Variants in TRIM37 observed in about 807,000 individuals in gnomAD.
TRIM37 encodes the protein tripartite motif containing 37, also known as E3 ubiquitin-protein ligase TRIM37.
A neutral mutation model predicts 129.8 loss-of-function variants in TRIM37; 80 were observed. The observed-to-expected ratio is 0.62, with a 90% CI of 0.51 to 0.74. The LOEUF (loss-of-function observed/expected upper bound fraction) is 0.74. TRIM37 is among the 30% of genes least tolerant of loss of function. The pLI is 0.00. For missense variants in TRIM37, 1,054 were observed against 1,176.5 expected (o/e 0.90, Z 1.52); for synonymous variants, 389 against 387.1 (o/e 1.00, Z -0.06).
At chr17:59,042,095 G>A (rs1011537395) in intron 16 of TRIM37, among the ~76,000 whole-genome samples, 197 bp from the exon 17 acceptor site, 10 of 151,850 alleles carry the variant, frequency 6.6e-5, no homozygotes, top group East Asian at 1.9e-4. Context: ...AAAAAATATC[G>A]GCCGGGCGCG....
Position 59,015,736 on chromosome 17 carries a change from C to T in TRIM37, c.2450G>A (p.Ser817Asn), listed in dbSNP as rs912284346. The change falls in exon 21 of 24, where the codon AGT becomes AAT. Residue 817 changes from serine (S) to asparagine (N), a missense_variant. By Grantham distance (46) the Ser-to-Asn change is conservative. Coordinates refer to ENST00000262294, the MANE Select transcript of TRIM37 (RefSeq NM_015294.6). ...HSSPRALIHG[S>N]IGDILPKTED... Reference sequence around the variant, plus strand: ...AGTTTTTGGCAGAATATCACCGATACTGCCATGTATCAAGGCTCGGGGAGA... The same window carrying T: ...AGTTTTTGGCAGAATATCACCGATATTGCCATGTATCAAGGCTCGGGGAGA... 6 of 1,614,006 alleles carry T rather than the reference C, an allele frequency of 3.7e-6. No homozygotes were observed. The highest frequency in any genetic ancestry group is 1.1e-5 in the South Asian group (1 of 91,078).
intron 24 of TRIM37, among the ~76,000 whole-genome samples, chr17:58,991,083 A>G (rs1364784923): frequency 8.8e-5 from 13 of 148,490 alleles, no homozygotes; most frequent in Admixed American, 6.7e-4. Context: ...GCTGAGGCAG[A>G]AGAATCATTT....
chr17:58,995,269 A>G (rs1237833799), downstream of TRIM37, among the ~76,000 whole-genome samples: 1 of 152,162 alleles, frequency 6.6e-6, no homozygotes, highest in African/African-American at 2.4e-5. Flanking sequence ...ACAGTCTAAT[A>G]ATAATAAATA....
intron 19 of TRIM37, among the ~76,000 whole-genome samples, chr17:59,020,437 C>G (rs1157624800): frequency 2.7e-5 from 4 of 150,942 alleles, no homozygotes; most frequent in Non-Finnish European, 5.9e-5. Flanking sequence ...AAGAAGTTAA[C>G]AACCCATATG....
At chr17:59,033,519 G>A (rs1264114965) in intron 17 of TRIM37, among the ~76,000 whole-genome samples, 2 of 151,998 alleles carry the variant, frequency 1.3e-5, no homozygotes, top group East Asian at 1.9e-4. Context: ...GGCAACCTCC[G>A]CCTCCTGGGT....
chr17:59,012,600 T>C (rs1324374219), intron 21 of TRIM37, among the ~76,000 whole-genome samples, 154 bp from the exon 22 acceptor site: 2 of 152,158 alleles, frequency 1.3e-5, no homozygotes, highest in African/African-American at 4.8e-5. Flanking sequence ...ACTAAGGTCC[T>C]GGCACAGTGG....
At chr17:59,003,566 A>G (rs2034061850) in intron 22 of TRIM37, among the ~76,000 whole-genome samples, 1 of 152,024 alleles carries the variant, frequency 6.6e-6, no homozygotes, top group African/African-American at 2.4e-5. Context: ...TGAAAAGTAA[A>G]TAGAAACAGG....
At position 59,082,141 on chromosome 17, in the gene TRIM37, T is replaced by C. The variant is rs903664344; in HGVS notation, c.370-922A>G. ...CAAAAATTAGCTGGGCGTGGTGGCATGCGCCTGTAATCCCAGCTACTCAGG... is the reference window on the plus strand; with the variant it reads ...CAAAAATTAGCTGGGCGTGGTGGCACGCGCCTGTAATCCCAGCTACTCAGG... On this transcript the variant is annotated intron_variant, in intron 5 of 23. Transcript: ENST00000262294. Among the ~76,000 whole-genome samples the C allele has an allele frequency of 3.3e-5, 5 of 149,798 alleles. No homozygotes were observed. In the East Asian group the frequency reaches 8.1e-4, roughly 24 times the overall value.
intron 16 of TRIM37, among the ~76,000 whole-genome samples, chr17:59,046,222 A>G (rs755028970): frequency 1.2e-4 from 19 of 152,172 alleles, no homozygotes; most frequent in Non-Finnish European, 2.6e-4. Context: ...TAGGATGAAA[A>G]ATAGGATATT....
rs777038156 is a variant in TRIM37 at position 59,061,048 on chromosome 17, A to G, written c.1003T>C (p.Leu335=). 7 of 1,613,600 alleles carry G rather than the reference A, an allele frequency of 4.3e-6. No individual in the cohort carries two copies. The highest frequency in any genetic ancestry group is 5.1e-6 in the Non-Finnish European group (6 of 1,179,634). ...LSVFLELSAG[L]PETSKYEYRV... is the part of the protein sequence containing the mutation. The stretch of plus-strand genomic sequence containing the variant: ...ACTTCTTACTTAGAAGTTTCAGGCA[A>G]GCCAGCTGAGAGCTCCAGAAACACA... The change falls in exon 12 of 24, where the codon TTG becomes CTG. Residue 335 remains leucine, a synonymous_variant. Coordinates refer to ENST00000262294, the MANE Select transcript of TRIM37 (RefSeq NM_015294.6).
chr17:58,973,842 C>G, the TRIM37 span, among the ~76,000 whole-genome samples: 1 of 148,586 alleles, frequency 6.7e-6, no homozygotes, highest in Non-Finnish European at 1.5e-5. Context: ...GTCCCAGCTA[C>G]TTGGGAGGTT....
At chr17:59,010,876 G>GT (rs1405170305) in intron 22 of TRIM37, among the ~76,000 whole-genome samples, 3 of 151,972 alleles carry the variant, frequency 2.0e-5, no homozygotes, top group African/African-American at 7.2e-5. Flanking sequence ...CACATAGAAA[G>GT]TAACTATTCC....
At chr17:59,041,933 T>C in intron 16 of TRIM37, 35 bp from the exon 17 acceptor site, 1 of 1,503,756 alleles carries the variant, frequency 6.7e-7, no homozygotes, top group Non-Finnish European at 9.3e-7. Flanking sequence ...TTATATAGAG[T>C]GATACAATAA....
At chr17:59,098,345 A>G (rs907433877) in intron 2 of TRIM37, among the ~76,000 whole-genome samples, 1 of 152,178 alleles carries the variant, frequency 6.6e-6, no homozygotes, top group South Asian at 2.1e-4. Context: ...TAATGCCGCT[A>G]AACAGTACAC....
intron 22 of TRIM37, among the ~76,000 whole-genome samples, chr17:59,009,828 G>A (rs940514514): frequency 3.3e-5 from 5 of 152,078 alleles, no homozygotes; most frequent in African/African-American, 1.2e-4. Flanking sequence ...TGTAAAACTA[G>A]GTTAACAAAA....
intron 17 of TRIM37, among the ~76,000 whole-genome samples, chr17:59,033,573 G>A (rs1480065105): frequency 3.3e-5 from 5 of 151,938 alleles, no homozygotes; most frequent in African/African-American, 7.2e-5. Flanking sequence ...GGGGACTACA[G>A]GCATGCACCA....
chr17:59,012,011 A>AT (rs772048943), intron 22 of TRIM37, among the ~76,000 whole-genome samples: 3 of 152,052 alleles, frequency 2.0e-5, no homozygotes, highest in African/African-American at 4.8e-5. Flanking sequence ...CTATATGCAG[A>AT]TTTTTTCCCC....
At chr17:58,988,958 T>TATAC (rs1382086580) in intron 24 of TRIM37, among the ~76,000 whole-genome samples, 1 of 152,206 alleles carries the variant, frequency 6.6e-6, no homozygotes, top group Non-Finnish European at 1.5e-5. Context: ...AATATATTAA[T>TATAC]TCAACCTCTG....
chr17:59,029,511 A>G (rs915059692), intron 18 of TRIM37, among the ~76,000 whole-genome samples: 1 of 152,222 alleles, frequency 6.6e-6, no homozygotes, highest in Non-Finnish European at 1.5e-5. Flanking sequence ...TACCTTTTAC[A>G]GTACTCCTTT....
Sources: allele counts gnomAD v4.1 joint callset (sites outside exome capture counted in the v4.1 genomes callset), GRCh38; gene constraint gnomAD v4.1.1; transcripts MANE v1.5; gene names NCBI Gene and HGNC (gene_info 2026-07-23, HGNC 2026-07-21).